Variants in RIC8B observed in about 807,000 individuals in gnomAD.
The protein encoded by RIC8B is chaperone Ric-8B.
In RIC8B, 16 loss-of-function variants were observed where a neutral mutation model predicts 57.5. The observed-to-expected ratio is 0.28, with a 90% CI of 0.19 to 0.42. The LOEUF is 0.42. Among genes scored for constraint, RIC8B ranks in the 10% least tolerant of loss-of-function variants. The probability of loss-of-function intolerance (pLI) is 1.00; values close to 1 mark genes in which losing one functional copy is unlikely to be tolerated. For synonymous variants in RIC8B, 216 were observed against 250.8 expected (o/e 0.86, Z 1.31); for missense variants, 481 against 677.0 (o/e 0.71, Z 3.21).
At chr12:106,884,792 T>TA (rs1429388954) in intron 9 of RIC8B, among the ~76,000 whole-genome samples, 1 of 152,220 alleles carries the variant, frequency 6.6e-6, no homozygotes, top group African/African-American at 2.4e-5. Flanking sequence ...GTAACACCAT[T>TA]ACACTACTGT....
At chr12:106,883,716 AC>A (rs777740883) in intron 9 of RIC8B, among the ~76,000 whole-genome samples, 1 of 150,042 alleles carries the variant, frequency 6.7e-6, no homozygotes, top group Non-Finnish European at 1.5e-5. Context: ...TATTATGATG[AC>A]CCCCCTAATG....
intron 2 of RIC8B, among the ~76,000 whole-genome samples, chr12:106,812,903 T>G (rs577657007): frequency 1.3e-5 from 2 of 152,316 alleles, no homozygotes; most frequent in South Asian, 4.1e-4. Context: ...AATTTTTTTT[T>G]GTCTTATCAG....
intron 3 of RIC8B, among the ~76,000 whole-genome samples, chr12:106,820,200 T>G (rs2045776770): frequency 6.6e-6 from 1 of 152,216 alleles, no homozygotes; most frequent in Non-Finnish European, 1.5e-5. Context: ...AATAGAAAAT[T>G]AATGACTAGG....
intron 2 of RIC8B, among the ~76,000 whole-genome samples, chr12:106,806,824 C>G (rs1322307914): frequency 6.6e-6 from 1 of 152,094 alleles, no homozygotes; most frequent in African/African-American, 2.4e-5. Context: ...GAGCCTCCAT[C>G]TCAAAAATAA....
intron 6 of RIC8B, 66 bp from the exon 7 acceptor site, chr12:106,851,384 C>T: frequency 8.4e-7 from 1 of 1,183,600 alleles, no homozygotes; most frequent in South Asian, 1.3e-5. Flanking sequence ...TGGCCAGTTG[C>T]ATTGTACCAT....
At chr12:106,835,382 C>T (rs2046551380) in intron 4 of RIC8B, among the ~76,000 whole-genome samples, 2 of 152,134 alleles carry the variant, frequency 1.3e-5, no homozygotes, top group Non-Finnish European at 2.9e-5. Flanking sequence ...TCTCTCATTC[C>T]TCCAAATTTT....
intron 7 of RIC8B, among the ~76,000 whole-genome samples, chr12:106,857,357 G>T (rs902868453): frequency 3.3e-5 from 5 of 152,104 alleles, no homozygotes; most frequent in African/African-American, 1.2e-4. Flanking sequence ...GACATTCTTT[G>T]TTCTTGGTAA....
At chr12:106,878,661 T>C (rs1393614023) in intron 9 of RIC8B, among the ~76,000 whole-genome samples, 1 of 152,178 alleles carries the variant, frequency 6.6e-6, no homozygotes, top group African/African-American at 2.4e-5. Context: ...GCAGGAATCC[T>C]GTGCTTAAGA....
intron 8 of RIC8B, among the ~76,000 whole-genome samples, chr12:106,865,351 A>G (rs1950097681): frequency 1.3e-5 from 2 of 152,152 alleles, no homozygotes; most frequent in South Asian, 4.1e-4. Flanking sequence ...TTTAACTTCT[A>G]CTATATTCTG....
rs756398968 is a variant in RIC8B, at chr12:106,868,052, G to T, written c.1452-2771G>T. 3.4e-4 allele frequency among the ~76,000 whole-genome samples: 51 copies of T among 152,162 alleles called. 1 individual carries two copies. Among genetic ancestry groups the T allele is most frequent in the Admixed American group, 2.4e-3 (37 of 15,274 alleles). Reference sequence around the variant, plus strand: ...CATTATATCATTTTAGCAGCCAGGGGACTTGAGGTTACCTTATGTAAAACA... The same window carrying T: ...CATTATATCATTTTAGCAGCCAGGGTACTTGAGGTTACCTTATGTAAAACA... On this transcript the variant is annotated intron_variant, in intron 8 of 9. Coordinates refer to ENST00000392837, the MANE Select transcript of RIC8B (RefSeq NM_001330145.2).
chr12:106,833,015 C>A (rs2046423764), intron 4 of RIC8B, among the ~76,000 whole-genome samples: 1 of 152,036 alleles, frequency 6.6e-6, no homozygotes, highest in South Asian at 2.1e-4. Flanking sequence ...AAAAAAAAAT[C>A]TTTTATCGGA....
chr12:106,850,659 G>T (rs1226082758), intron 6 of RIC8B, among the ~76,000 whole-genome samples: 1 of 152,164 alleles, frequency 6.6e-6, no homozygotes, highest in Non-Finnish European at 1.5e-5. Context: ...CGGGATTACT[G>T]TGAGGATTAT....
intron 3 of RIC8B, among the ~76,000 whole-genome samples, chr12:106,824,762 C>T (rs1422777235): frequency 2.0e-5 from 3 of 151,822 alleles, no homozygotes; most frequent in Non-Finnish European, 4.4e-5. Flanking sequence ...AAAAAATTAG[C>T]TGGGTGTGGT....
chr12:106,815,022 C>T lies in RIC8B; in HGVS notation c.459C>T (p.Asp153=). 1 of 1,614,182 alleles carries T rather than the reference C, an allele frequency of 6.2e-7. No homozygotes were observed. Among genetic ancestry groups the T allele is most frequent in the Non-Finnish European group, 8.5e-7 (1 of 1,180,018 alleles). The change falls in exon 3 of 10, where the codon GAC becomes GAT. Residue 153 remains aspartate, a synonymous_variant. Coordinates refer to ENST00000392837, the MANE Select transcript of RIC8B (RefSeq NM_001330145.2). ...KLCNLLRKCK[D]RKFINDIKCF... The stretch of plus-strand genomic sequence containing the variant: ...GTAACCTCCTGAGAAAGTGCAAGGA[C>T]CGGAAATTTATCAATGACATTAAGT...
chr12:106,802,534 ATTTTTTTT>A (rs34706345), intron 2 of RIC8B, among the ~76,000 whole-genome samples: 15 of 102,160 alleles, frequency 1.5e-4, no homozygotes, highest in Admixed American at 3.1e-4. Context: ...CAATATGAGA[ATTTTTTTT>A]TTTTTTTTTT....
chr12:106,788,710 A>G (rs1345774630), intron 2 of RIC8B, among the ~76,000 whole-genome samples: 1 of 152,024 alleles, frequency 6.6e-6, no homozygotes, highest in East Asian at 1.9e-4. Flanking sequence ...AGCATCTGGG[A>G]CTCAGGGCAC....
At chr12:106,865,955 C>G (rs548652424) in intron 8 of RIC8B, among the ~76,000 whole-genome samples, 1 of 152,294 alleles carries the variant, frequency 6.6e-6, no homozygotes, top group East Asian at 1.9e-4. Flanking sequence ...TCATATCGCT[C>G]TCATTCCCTC....
intron 9 of RIC8B, among the ~76,000 whole-genome samples, chr12:106,873,818 A>G (rs545879919): frequency 6.6e-6 from 1 of 152,346 alleles, no homozygotes; most frequent in African/African-American, 2.4e-5. Context: ...ACTGTTTCAC[A>G]GGAAAGCTAG....
intron 7 of RIC8B, among the ~76,000 whole-genome samples, chr12:106,853,912 A>G (rs1949602780): frequency 6.6e-6 from 1 of 152,178 alleles, no homozygotes; most frequent in Admixed American, 6.5e-5. Context: ...CTGCCCATGT[A>G]TTACTTACTT....
Sources: allele counts gnomAD v4.1 joint callset (sites outside exome capture counted in the v4.1 genomes callset), GRCh38; gene constraint gnomAD v4.1.1; transcripts MANE v1.5; gene names NCBI Gene and HGNC (gene_info 2026-07-23, HGNC 2026-07-21).